Variants in ATP10A observed in about 807,000 individuals in gnomAD.
ATP10A encodes the protein phospholipid-transporting ATPase VA.
ATP10A carries 111 observed loss-of-function variants against 147.8 expected under a neutral mutation model. That is an observed-to-expected ratio of 0.75 (90% CI 0.64 to 0.88). The LOEUF (loss-of-function observed/expected upper bound fraction) is 0.88. ATP10A is among the 40% of genes least tolerant of loss of function. The probability of loss-of-function intolerance (pLI) is 0.00; values close to 1 mark genes in which losing one functional copy is unlikely to be tolerated. For synonymous variants in ATP10A, 875 were observed against 841.6 expected (o/e 1.04, Z -0.69); for missense variants, 1,927 against 1,959.0 (o/e 0.98, Z 0.31).
At chr15:25,762,348 C>CACAA (rs1373771876) in intron 2 of ATP10A, among the ~76,000 whole-genome samples, 8 of 152,204 alleles carry the variant, frequency 5.3e-5, no homozygotes, top group African/African-American at 1.9e-4. Context: ...ACAATCATGG[C>CACAA]TCACTGCAGC....
chr15:25,741,139 C>T (rs1192120306), intron 2 of ATP10A, among the ~76,000 whole-genome samples: 2 of 152,250 alleles, frequency 1.3e-5, no homozygotes, highest in African/African-American at 4.8e-5. Context: ...CTGGGTGTGG[C>T]TGGAGCTGGC....
chr15:25,695,045 G>T lies in ATP10A; in HGVS notation c.2862C>A (p.Phe954Leu), dbSNP rs375983034. ...ACGTGGAGGGTGGGCAGAGAGAGGA[G>T]AACCTCATGCTCACTTTGCCCTTGG... ...EKTKGKVSMR[F>L]SSLCPPSTST... Residue 954 changes from phenylalanine (F) to leucine (L), a missense_variant, in exon 14 of 21, where the codon TTC (phenylalanine) becomes TTA (leucine). Transcript: ENST00000555815. 15 of 1,614,088 alleles carry T rather than the reference G, an allele frequency of 9.3e-6. No individual in the cohort carries two copies. The African/African-American group carries it at 2.0e-4, about 22-fold the overall frequency.
rs1187241714 is a variant in ATP10A at position 25,835,084 on chromosome 15, G to A, written c.449+27564C>T. Among the ~76,000 whole-genome samples, 4 of 152,230 alleles carry A rather than the reference G, an allele frequency of 2.6e-5. No individual in the cohort carries two copies. The East Asian group carries it at 7.7e-4, about 29-fold the overall frequency. On this transcript the variant is annotated intron_variant, in intron 1 of 20. Transcript: ENST00000555815. ...TTGAGACCAGCCTGGGCAACACAGT[G>A]AGACCCAGTCTCTACCAAAATTTTA...
intron 2 of ATP10A, among the ~76,000 whole-genome samples, chr15:25,751,710 G>T (rs1032879201): frequency 6.6e-6 from 1 of 151,992 alleles, no homozygotes; most frequent in Non-Finnish European, 1.5e-5. Flanking sequence ...GACAACCTGC[G>T]AATTGGGAGA....
At chr15:25,783,756 G>T (rs1260401553) in intron 1 of ATP10A, among the ~76,000 whole-genome samples, 1 of 152,236 alleles carries the variant, frequency 6.6e-6, no homozygotes, top group Non-Finnish European at 1.5e-5. Flanking sequence ...CCCTGAAAGT[G>T]TTCCCAAAGT....
chr15:25,805,043 C>T (rs1891120309), intron 1 of ATP10A, among the ~76,000 whole-genome samples: 1 of 152,200 alleles, frequency 6.6e-6, no homozygotes, highest in Non-Finnish European at 1.5e-5. Context: ...CAGAATGGGA[C>T]CTGTGGCAGC....
At chr15:25,831,075 C>T (rs1892333112) in intron 1 of ATP10A, among the ~76,000 whole-genome samples, 1 of 152,196 alleles carries the variant, frequency 6.6e-6, no homozygotes, top group African/African-American at 2.4e-5. Context: ...GTCCCAGCCA[C>T]TCACCCCACC....
chr15:25,844,123 G>A (rs1892921335), intron 1 of ATP10A, among the ~76,000 whole-genome samples: 2 of 152,100 alleles, frequency 1.3e-5, no homozygotes, highest in South Asian at 2.1e-4. Context: ...CAAAGCACAC[G>A]GTATTAAAAC....
At chr15:25,861,754 G>A (rs1465934186) in intron 1 of ATP10A, 1 of 153,950 alleles carries the variant, frequency 6.5e-6, no homozygotes, top group African/African-American at 2.4e-5. Context: ...GATGGGCTGA[G>A]CTTTGGAGGA....
chr15:25,721,763 T>C lies in ATP10A; in HGVS notation c.1257A>G (p.Gly419=). The C allele has an allele frequency of 6.2e-7, 1 of 1,614,172 alleles. No homozygotes were observed. The highest frequency in any genetic ancestry group is 8.5e-7 in the Non-Finnish European group (1 of 1,180,036). ...TATCTGAGAAAATGTACTGTATCTG[T>C]CCTAAGTCTTCCGTGATGTTCAGAG... ...CRALNITEDL[G]QIQYIFSDKT... is the part of the protein sequence containing the mutation. The change falls in exon 7 of 21, where the codon GGA becomes GGG. Residue 419 remains glycine (G), a synonymous_variant. Transcript: ENST00000555815.
rs78815884 is a variant in ATP10A, at chr15:25,796,972, G to C, written c.450-15749C>G. Among the ~76,000 whole-genome samples the C allele has an allele frequency of 8.3e-3, 1,259 of 152,130 alleles. 54 individuals carry two copies. The East Asian group carries it at 0.12, about 14-fold the overall frequency. ...TCAAACCATTAACATCTCACATACC[G>C]ATCTTTTTTTCTGATGAGAACATTT... is the stretch of plus-strand genomic sequence containing the variant. On this transcript the variant is annotated intron_variant, in intron 1 of 20. Coordinates refer to ENST00000555815, the MANE Select transcript of ATP10A (RefSeq NM_024490.4).
intron 9 of ATP10A, 61 bp from the exon 10 acceptor site, chr15:25,714,302 C>T: frequency 1.3e-6 from 2 of 1,516,164 alleles, no homozygotes; most frequent in Admixed American, 1.9e-5. Context: ...GAGGCCCCAC[C>T]CTGGTTCCCA....
intron 3 of ATP10A, among the ~76,000 whole-genome samples, chr15:25,733,436 G>A (rs549865645): frequency 2.6e-5 from 4 of 152,290 alleles, no homozygotes; most frequent in African/African-American, 7.2e-5. Flanking sequence ...CTCCTACCCC[G>A]GGAGTATTCC....
At chr15:25,780,510 T>A (rs1251818157) in intron 2 of ATP10A, among the ~76,000 whole-genome samples, 2 of 152,174 alleles carry the variant, frequency 1.3e-5, no homozygotes, top group Non-Finnish European at 2.9e-5. Flanking sequence ...TGTGTGCAGC[T>A]GTCACACGTG....
At chr15:25,825,158 T>G (rs1892064696) in intron 1 of ATP10A, among the ~76,000 whole-genome samples, 1 of 152,216 alleles carries the variant, frequency 6.6e-6, no homozygotes, top group Non-Finnish European at 1.5e-5. Flanking sequence ...TTCACAAGTC[T>G]GTGTTTATTT....
Position 25,694,844 on chromosome 15 carries a change from C to T in ATP10A, c.3063G>A (p.Lys1021=). Reference sequence around the variant, plus strand: ...CTATGGCCAGGGTCATGGCCTTGAGCTTGCTCCGCACCAGCTTCACCACCA... The same window carrying T: ...CTATGGCCAGGGTCATGGCCTTGAGTTTGCTCCGCACCAGCTTCACCACCA... ...KSMVVKLVRS[K]LKAMTLAIGD... The change falls in exon 14 of 21, where the codon AAG becomes AAA. Residue 1021 remains lysine, a synonymous_variant. Transcript: ENST00000555815. 1.2e-6 allele frequency: 2 copies of T among 1,613,192 alleles called. No homozygotes were observed. Among genetic ancestry groups the T allele is most frequent in the Non-Finnish European group, 1.7e-6 (2 of 1,179,466 alleles).
chr15:25,771,782 C>T (rs1460399195), intron 2 of ATP10A, among the ~76,000 whole-genome samples: 1 of 150,744 alleles, frequency 6.6e-6, no homozygotes, highest in Non-Finnish European at 1.5e-5. Flanking sequence ...CAGAGTCTTA[C>T]TCTGTTACCC....
At chr15:25,833,611 A>G (rs1892462080) in intron 1 of ATP10A, among the ~76,000 whole-genome samples, 1 of 152,092 alleles carries the variant, frequency 6.6e-6, no homozygotes, top group Admixed American at 6.5e-5. Flanking sequence ...GCAGTATTCC[A>G]TTTTTTCTTC....
At chr15:25,736,481 G>A (rs1887289649) in intron 2 of ATP10A, among the ~76,000 whole-genome samples, 1 of 152,140 alleles carries the variant, frequency 6.6e-6, no homozygotes, top group Non-Finnish European at 1.5e-5. Flanking sequence ...TAAGACACAC[G>A]GCACTTGCCC....
Sources: gnomAD v4.1 joint callset for allele counts (sites outside exome capture counted in the v4.1 genomes callset) on GRCh38, gnomAD v4.1.1 for gene constraint, MANE v1.5 for transcripts, NCBI Gene and HGNC (gene_info 2026-07-23, HGNC 2026-07-21) for gene names.